Variants in GFAP observed in about 807,000 individuals in gnomAD.
GFAP encodes glial fibrillary acidic protein, also known as intermediate filament protein.
GFAP carries 38 observed loss-of-function variants against 49.3 expected under a neutral mutation model. That is an observed-to-expected ratio of 0.77 (90% CI 0.60 to 1.01). GFAP has a LOEUF of 1.01. GFAP is among the 50% of genes least tolerant of loss of function. The pLI, the probability that GFAP is intolerant of heterozygous loss-of-function variation, is 0.00. For missense variants in GFAP, 463 were observed against 579.1 expected, an observed-to-expected ratio of 0.80 and a Z score of 2.06; for synonymous variants, 222 against 236.4, an observed-to-expected ratio of 0.94 and a Z score of 0.56.
intron 2 of GFAP, 75 bp downstream of exon 2, chr17:44,913,953 C>G (rs2051842018): frequency 1.5e-6 from 2 of 1,328,174 alleles, no homozygotes; most frequent in Admixed American, 1.8e-5. Context: ...GCGGGCTGAG[C>G]TTGGGGGCTG....
intron 7 of GFAP, chr17:44,910,370 G>A: frequency 1.2e-6 from 2 of 1,609,440 alleles, no homozygotes; most frequent in South Asian, 1.1e-5. Context: ...CAGTTCTGCT[G>A]TCGAATGGGG....
Position 44,905,197 on chromosome 17 carries a change from C to A in GFAP, c.*2150G>T. 1 of 740,578 alleles carries A rather than the reference C, an allele frequency of 1.4e-6. No individual in the cohort carries two copies. Among genetic ancestry groups the A allele is most frequent in the Non-Finnish European group, 2.2e-6 (1 of 451,234 alleles). 45.9% of individuals were successfully genotyped at this position (740,578 alleles called of 1,614,324 possible). A position where few individuals can be genotyped will look rare whatever the true frequency, so the allele number is the denominator to read the frequency against. On this transcript the variant is annotated 3_prime_UTR_variant, in exon 9 of 9. Coordinates refer to ENST00000588735, the MANE Select transcript of GFAP (RefSeq NM_002055.5). ...AACATGTGGACAAATCTGTTACAGC[C>A]TGCTCCCCATTTTCATGGGCAGGTC...
In GFAP at chr17:44,913,763, C is replaced by A; in HGVS notation, c.583G>T (p.Glu195Ter). Residue 195 changes from glutamate (E) to a stop codon, truncating the protein, a stop_gained, in exon 3 of 9, where the codon GAG becomes TAG. Coordinates refer to ENST00000588735, the MANE Select transcript of GFAP (RefSeq NM_002055.5). LOFTEE classifies it high-confidence loss of function. ...DLERKIESLE[E>*]EIRFLRKIHE... ...ATCTTCCTCAAGAACCGGATCTCCT[C>A]CTCCAGCGACTCAATCTTCCTCTCC... 1 of 1,614,168 alleles carries A rather than the reference C, an allele frequency of 6.2e-7. No individual in the cohort carries two copies. Among genetic ancestry groups the A allele is most frequent in the Non-Finnish European group, 8.5e-7 (1 of 1,180,002 alleles).
rs374287482 is a variant in GFAP at position 44,915,099 on chromosome 17, G to C, written c.388C>G (p.Leu130Val). 6.1e-5 allele frequency: 98 copies of C among 1,613,662 alleles called. No homozygotes were observed. Among genetic ancestry groups the C allele is most frequent in the East Asian group, 4.9e-4 (22 of 44,880 alleles). Residue 130 changes from leucine to valine, a missense_variant, in exon 1 of 9, where the codon CTC becomes GTC. Around this residue, in one of 3 missense-constraint regions of GFAP, gnomAD observed 362 missense variants for 445.5 expected, o/e 0.81. Coordinates refer to ENST00000588735, the MANE Select transcript of GFAP (RefSeq NM_002055.5). The surrounding 1 kb of genome is among the most constrained non-coding windows in gnomAD (Gnocchi z 4.1). ...LRELRLRLDQ[L>V]TANSARLEVE... ...TCCAGCCGGGCGCTGTTGGCGGTGA[G>C]TTGATCGAGCCGCAGCCGCAGCTCT...
intron 7 of GFAP, 24 bp from the exon 8 acceptor site, chr17:44,908,173 C>G: frequency 6.5e-7 from 1 of 1,528,164 alleles, no homozygotes; most frequent in Non-Finnish European, 9.1e-7. Context: ...GAGAGGAGGC[C>G]TCTCATGGAC....
intron 7 of GFAP, 67 bp from the exon 8 acceptor site, chr17:44,908,216 G>C (rs759007206): frequency 9.1e-7 from 1 of 1,103,424 alleles, no homozygotes; most frequent in Admixed American, 1.7e-5. Flanking sequence ...TCCCATGCCC[G>C]GCTTCCCCAT....
In GFAP at chr17:44,915,411, C is replaced by G. The variant is rs1231379140; in HGVS notation, c.76G>C (p.Ala26Pro). 2 of 1,606,452 alleles carry G rather than the reference C, an allele frequency of 1.2e-6. No homozygotes were observed. The highest frequency in any genetic ancestry group is 3.4e-5 in the Admixed American group (2 of 59,600). ...CCAGGACCCAGACGGCGGCCAGGAGCCAGGCCCCCCACCATCATCTCCCCT... is the reference window on the plus strand; with the variant it reads ...CCAGGACCCAGACGGCGGCCAGGAGGCAGGCCCCCCACCATCATCTCCCCT... ...SSGEMMVGGL[A>P]PGRRLGPGTR... Residue 26 changes from alanine (A) to proline (P), a missense_variant, in exon 1 of 9, where the codon GCT (alanine) becomes CCT (proline). This residue lies in a region of GFAP where 89 missense variants were observed against 87.5 expected (regional missense o/e 1.02). Transcript: ENST00000588735. This position sits in a 1 kb window ranked among gnomAD's most constrained non-coding sequence, Gnocchi z 4.1.
At position 44,913,252 on chromosome 17, in the gene GFAP, C is replaced by G. The variant is rs2051814157; in HGVS notation, c.780+17G>C. 6.2e-7 allele frequency: 1 copy of G among 1,613,302 alleles called. No homozygotes were observed. Among genetic ancestry groups the G allele is most frequent in the South Asian group, 1.1e-5 (1 of 91,080 alleles). ...GGGCTGCCTGGAGGAGGCAGGCTGG[C>G]CCACAGGCAGGGCTACCTTGGAGCG... is the stretch of plus-strand genomic sequence containing the variant. On this transcript the variant is annotated intron_variant, in intron 4 of 8. Transcript: ENST00000588735.
chr17:44,905,253 G>T lies in GFAP; in HGVS notation c.*2094C>A, dbSNP rs1250401586. On this transcript the variant is annotated 3_prime_UTR_variant, in exon 9 of 9. Coordinates refer to ENST00000588735, the MANE Select transcript of GFAP (RefSeq NM_002055.5). ...CCTGATCTGAGAAGTGGAGGGGCCT[G>T]AGGCTGGTGGGAGATTGGGGACTGA... is the stretch of plus-strand genomic sequence containing the variant. The T allele has an allele frequency of 1.2e-5, 7 of 603,464 alleles. No homozygotes were observed. In the East Asian group the frequency reaches 2.0e-4, roughly 17 times the overall value. 37.4% of individuals were successfully genotyped at this position (603,464 alleles called of 1,614,324 possible).
At chr17:44,910,059 G>C in intron 7 of GFAP, 1 of 1,609,808 alleles carries the variant, frequency 6.2e-7, no homozygotes, top group Non-Finnish European at 8.5e-7. Context: ...GGGAACTCAG[G>C]GGGATTGGGA....
Position 44,905,131 on chromosome 17 carries a change from A to C in GFAP, c.*2216T>G. The C allele has an allele frequency of 1.5e-6, 2 of 1,348,536 alleles. No individual in the cohort carries two copies. Among genetic ancestry groups the C allele is most frequent in the Non-Finnish European group, 2.0e-6 (2 of 988,254 alleles). 83.5% of individuals were successfully genotyped at this position (1,348,536 alleles called of 1,614,324 possible). A position where few individuals can be genotyped will look rare whatever the true frequency, so the allele number is the denominator to read the frequency against. On this transcript the variant is annotated 3_prime_UTR_variant, in exon 9 of 9. Transcript: ENST00000588735. ...CAATGTGTTTGTTAAATGATACCAG[A>C]TGTCTCTGGGTGGGTACCCTGGGTT...
chr17:44,910,946 TGAG>T (rs2051748126), intron 6 of GFAP: 1 of 602,816 alleles, frequency 1.7e-6, no homozygotes, highest in Non-Finnish European at 2.9e-6. Context: ...ATGGGTGAGG[TGAG>T]GAGTCCAATC....
chr17:44,914,270 G>C (rs1185787512), intron 1 of GFAP, 182 bp from the exon 2 acceptor site: 3 of 601,804 alleles, frequency 5.0e-6, no homozygotes, highest in African/African-American at 3.7e-5. Context: ...AGCAGATGTG[G>C]GCTTTTGCCT....
In GFAP at chr17:44,911,683, G is replaced by A; in HGVS notation, c.895C>T (p.Leu299=). The A allele has an allele frequency of 6.2e-7, 1 of 1,613,284 alleles. No homozygotes were observed. The highest frequency in any genetic ancestry group is 2.2e-5 in the East Asian group (1 of 44,878). The change falls in exon 5 of 9, where the codon CTG becomes TTG. Residue 299 remains leucine, a synonymous_variant. Coordinates refer to ENST00000588735, the MANE Select transcript of GFAP (RefSeq NM_002055.5). The part of the protein sequence containing the change: ...LQSLTCDLES[L]RGTNESLERQ... ...CTGGCCGCGCTCACCGTGCCGCGCA[G>A]AGACTCCAGGTCGCAGGTCAAGGAC...
intron 1 of GFAP, 56 bp from the exon 2 acceptor site, chr17:44,914,144 C>A (rs954431117): frequency 2.4e-6 from 3 of 1,245,344 alleles, no homozygotes; most frequent in Admixed American, 2.0e-5. Flanking sequence ...ACTTGAATAC[C>A]TGCCTCAGTC....
At chr17:44,914,750 G>C (rs535419636) in intron 1 of GFAP, 1 of 517,326 alleles carries the variant, frequency 1.9e-6, no homozygotes, top group Non-Finnish European at 3.5e-6. Context: ...TGAAACACAG[G>C]GGCCCCGCTG....
In GFAP at chr17:44,911,653, C is replaced by T. The variant is rs2051772014; in HGVS notation, c.906+19G>A. The T allele has an allele frequency of 6.2e-7, 1 of 1,610,552 alleles. No homozygotes were observed. The highest frequency in any genetic ancestry group is 2.2e-5 in the East Asian group (1 of 44,874). ...CGTCCCTGCTCCGCCCGTCCCCGTC[C>T]TGCCCTGGCCGCGCTCACCGTGCCG... On this transcript the variant is annotated intron_variant, in intron 5 of 8. Transcript: ENST00000588735.
rs1567773761 is a variant in GFAP at position 44,911,365 on chromosome 17, TCCTC to T, written c.994_997del (p.Glu332LysfsTer38). ...CTCGTCCTTGAGGCTCTGCCCCTCT[TCCTC>T]CAGCCGCGCCAGCGCCTCCTGATAA... On this transcript the variant is annotated frameshift_variant, in exon 6 of 9. Transcript: ENST00000588735. LOFTEE classifies it high-confidence loss of function. 2 of 1,614,090 alleles carry T rather than the reference TCCTC, an allele frequency of 1.2e-6. No homozygotes were observed. Among genetic ancestry groups the T allele is most frequent in the Non-Finnish European group, 1.7e-6 (2 of 1,180,004 alleles).
rs2051615164 is a variant in GFAP at position 44,904,316 on chromosome 17, T to C, written c.*3031A>G. 2 of 1,545,206 alleles carry C rather than the reference T, an allele frequency of 1.3e-6. No homozygotes were observed. The highest frequency in any genetic ancestry group is 2.4e-5 in the East Asian group (1 of 40,874). On this transcript the variant is annotated 3_prime_UTR_variant, in exon 9 of 9. Transcript: ENST00000588735. ...CCAGGAGCCCTTTGCAGATGAATACTATGGGCACCTCCATGTCTTCACCAC... is the reference window on the plus strand; with the variant it reads ...CCAGGAGCCCTTTGCAGATGAATACCATGGGCACCTCCATGTCTTCACCAC...
Sources: gnomAD v4.1 joint callset for allele counts on GRCh38, gnomAD v4.1.1 for gene constraint, gnomAD v4.1.1 regional missense constraint, Gnocchi (gnomAD v3.1) non-coding constraint, MANE v1.5 for transcripts, NCBI Gene and HGNC (gene_info 2026-07-23, HGNC 2026-07-21) for gene names.